The following RIMS2 variants were observed in gnomAD, a reference collection of about 807,000 sequenced individuals.
RIMS2 encodes the protein regulating synaptic membrane exocytosis protein 2.
In RIMS2, 59 loss-of-function variants were observed where a neutral mutation model predicts 174.4. The observed-to-expected ratio is 0.34, with a 90% confidence interval of 0.27 to 0.42. The LOEUF is 0.42. RIMS2 is among the 10% of genes least tolerant of loss of function. The probability of loss-of-function intolerance (pLI) is 1.00; values close to 1 mark genes in which losing one functional copy is unlikely to be tolerated. For missense variants in RIMS2, 1,620 were observed against 1,666.3 expected (o/e 0.97, Z 0.48); for synonymous variants, 606 against 572.5 (o/e 1.06, Z -0.84).
At chr8:103,516,168 T>TA (rs956867514) in intron 1 of RIMS2, among the ~76,000 whole-genome samples, 1 of 152,128 alleles carries the variant, frequency 6.6e-6, no homozygotes, top group African/African-American at 2.4e-5. Flanking sequence ...TTTAAAAAGT[T>TA]AAAATCTTGC....
intron 13 of RIMS2, among the ~76,000 whole-genome samples, chr8:103,939,944 TC>T (rs2082150202): frequency 6.6e-6 from 1 of 152,120 alleles, no homozygotes; most frequent in Admixed American, 6.5e-5. Context: ...GACTTTATTG[TC>T]CATATAGCTA....
chr8:103,973,854 A>C (rs1565616248), intron 15 of RIMS2, among the ~76,000 whole-genome samples: 2 of 152,166 alleles, frequency 1.3e-5, no homozygotes, highest in Non-Finnish European at 2.9e-5. Flanking sequence ...TGGTTTACTC[A>C]TCCTCAGTTA....
exon 23 of RIMS2, chr8:104,251,073 A>G: frequency 6.2e-7 from 1 of 1,613,622 alleles, no homozygotes; most frequent in African/African-American, 1.3e-5. Context: ...GCATAGCCAA[A>G]AAGAAAACAA....
intron 19 of RIMS2, among the ~76,000 whole-genome samples, chr8:104,081,273 C>T (rs2097414754): frequency 6.6e-6 from 1 of 151,882 alleles, no homozygotes; most frequent in Non-Finnish European, 1.5e-5. Flanking sequence ...AAAATAAAAT[C>T]ACCTGAATTT....
chr8:104,102,774 G>A (rs1047638383), intron 19 of RIMS2, among the ~76,000 whole-genome samples: 13 of 152,154 alleles, frequency 8.5e-5, no homozygotes, highest in Admixed American at 2.0e-4. Context: ...TCACTATCAC[G>A]AGAGCAGCAT....
chr8:103,588,632 A>C (rs2094096848), intron 1 of RIMS2, among the ~76,000 whole-genome samples: 1 of 152,034 alleles, frequency 6.6e-6, no homozygotes, highest in Non-Finnish European at 1.5e-5. Context: ...CATTTTTGAC[A>C]AAAGTGCCAA....
In RIMS2 at chr8:103,876,909, T is replaced by TATACACAC. The variant is rs71297243; in HGVS notation, c.699-8388_699-8387insTACACACA. On this transcript the variant is annotated intron_variant, in intron 3 of 23. Transcript: ENST00000504942. ...ATATATATATATATATATATATATA[T>TATACACAC]ACACACACACCCCCATATACATAAC... is the stretch of plus-strand genomic sequence containing the variant. 4.4e-3 allele frequency among the ~76,000 whole-genome samples: 292 copies of TATACACAC among 65,802 alleles called. 1 individual carries two copies. Among genetic ancestry groups the TATACACAC allele is most frequent in the Non-Finnish European group, 8.3e-3 (226 of 27,184 alleles). 43.2% of individuals were successfully genotyped at this position (65,802 alleles called of 152,430 possible).
intron 19 of RIMS2, among the ~76,000 whole-genome samples, chr8:104,145,671 C>CAATAAATTAAATAAATAAATA (rs147902805): frequency 2.3e-4 from 30 of 132,696 alleles, no homozygotes; most frequent in African/African-American, 8.7e-4. Context: ...ACTAAAAATA[C>CAATAAATTAAATAAATAAATA]AATAAATAAA....
chr8:103,616,549 G>A (rs758488120), intron 1 of RIMS2, among the ~76,000 whole-genome samples: 1 of 152,136 alleles, frequency 6.6e-6, no homozygotes, highest in Non-Finnish European at 1.5e-5. Flanking sequence ...GAAATAATGG[G>A]CATCCAGATG....
chr8:104,185,129 C>G (rs1316821396), intron 19 of RIMS2, among the ~76,000 whole-genome samples: 2 of 151,462 alleles, frequency 1.3e-5, no homozygotes, highest in African/African-American at 4.8e-5. Context: ...TTTAAATTTA[C>G]AGTTACCTTT....
In RIMS2 at chr8:103,876,864, T is replaced by TTTTATA. The variant is rs1378279723; in HGVS notation, c.699-8433_699-8432insTTATAT. On this transcript the variant is annotated intron_variant, in intron 3 of 23. Coordinates refer to ENST00000504942, the Ensembl canonical transcript of RIMS2. ...TGTATATATACACACACACACTATT[T>TTTTATA]TATATATATATATATATATATATAT... 4.7e-3 allele frequency among the ~76,000 whole-genome samples: 316 copies of TTTTATA among 67,786 alleles called. 3 individuals carry two copies. The highest frequency in any genetic ancestry group is 7.6e-3 in the Middle Eastern group (1 of 132). 44.5% of individuals were successfully genotyped at this position (67,786 alleles called of 152,430 possible).
intron 17 of RIMS2, among the ~76,000 whole-genome samples, chr8:104,008,083 T>C (rs1171060180): frequency 6.6e-6 from 1 of 152,118 alleles, no homozygotes; most frequent in African/African-American, 2.4e-5. Flanking sequence ...TATAATACAA[T>C]AGCAATTCAT....
rs190662142 is a variant in RIMS2 at position 104,008,676 on chromosome 8, G to A, written c.3045-4766G>A. On this transcript the variant is annotated intron_variant, in intron 17 of 23. Coordinates refer to ENST00000504942, the Ensembl canonical transcript of RIMS2. The stretch of plus-strand genomic sequence containing the variant: ...TTCTCTTTTTGATAATAAAATAATA[G>A]GCTTGTGGGTAATAGTAATTTTTTT... 2.3e-3 allele frequency among the ~76,000 whole-genome samples: 343 copies of A among 151,810 alleles called. 4 individuals carry two copies. The highest frequency in any genetic ancestry group is 0.01 in the Middle Eastern group (3 of 294).
Position 104,032,439 on chromosome 8 carries a change from T to A in RIMS2, c.3334+17824T>A, listed in dbSNP as rs551924103. Among the ~76,000 whole-genome samples, 14 of 152,112 alleles carry A rather than the reference T, an allele frequency of 9.2e-5. No homozygotes were observed. In the South Asian group the frequency reaches 1.0e-3, roughly 11 times the overall value. ...GGTTACACATTTTTTTGTGTGAAAA[T>A]CAGACCTTGGCAATGACCTTAAGCA... On this transcript the variant is annotated intron_variant, in intron 19 of 23. Coordinates refer to ENST00000504942, the Ensembl canonical transcript of RIMS2.
intron 2 of RIMS2, among the ~76,000 whole-genome samples, chr8:103,744,314 G>C (rs971083021): frequency 1.8e-4 from 27 of 152,140 alleles, no homozygotes; most frequent in African/African-American, 6.3e-4. Flanking sequence ...AAAGTGCTGG[G>C]ATTGCAGGCA....
chr8:103,549,621 T>C (rs1426636774), intron 1 of RIMS2, among the ~76,000 whole-genome samples: 5 of 152,116 alleles, frequency 3.3e-5, no homozygotes, highest in Non-Finnish European at 7.4e-5. Context: ...CACATAACAA[T>C]ATTAACCTTA....
chr8:103,593,669 A>T (rs1457928568), intron 1 of RIMS2, among the ~76,000 whole-genome samples: 1 of 151,556 alleles, frequency 6.6e-6, no homozygotes, highest in Non-Finnish European at 1.5e-5. Flanking sequence ...GCTAGACCTT[A>T]AGAGTTGTGC....
intron 1 of RIMS2, among the ~76,000 whole-genome samples, chr8:103,553,804 C>T (rs573941645): frequency 1.7e-4 from 26 of 152,102 alleles, no homozygotes; most frequent in African/African-American, 6.3e-4. Context: ...TCAAACTATA[C>T]TACAAGGCTA....
At chr8:103,532,799 C>A (rs1480654462) in intron 1 of RIMS2, among the ~76,000 whole-genome samples, 1 of 151,894 alleles carries the variant, frequency 6.6e-6, no homozygotes, top group Non-Finnish European at 1.5e-5. Context: ...ACATTTAGTT[C>A]TATTAACTTT....
Sources: gnomAD v4.1 joint callset for allele counts (sites outside exome capture counted in the v4.1 genomes callset) on GRCh38, gnomAD v4.1.1 for gene constraint, MANE v1.5 for transcripts, NCBI Gene and HGNC (gene_info 2026-07-23, HGNC 2026-07-21) for gene names.